ZNF438: variants seen among roughly 807,000 people sequenced by gnomAD.
ZNF438 encodes zinc finger protein 438.
Under a neutral mutation model 38.0 loss-of-function variants are expected in ZNF438, and 25 were observed. The ratio of observed to expected loss-of-function variants is 0.66; its 90% confidence interval spans 0.48 to 0.92. The LOEUF (loss-of-function observed/expected upper bound fraction) is 0.92. ZNF438 is among the 40% of genes least tolerant of loss of function. ZNF438 has a pLI of 0.00. For synonymous variants in ZNF438, 372 were observed against 364.1 expected (o/e 1.02, Z -0.25); for missense variants, 1,007 against 999.6 (o/e 1.01, Z -0.10).
chr10:30,958,990 T>A (rs987595059), intron 1 of ZNF438, among the ~76,000 whole-genome samples: 2 of 147,438 alleles, frequency 1.4e-5, no homozygotes, highest in African/African-American at 4.9e-5. Context: ...TTTCTTGTTT[T>A]TATTAATATC....
intron 3 of ZNF438, among the ~76,000 whole-genome samples, chr10:30,907,395 T>C (rs2042685936): frequency 6.6e-6 from 1 of 152,222 alleles, no homozygotes; most frequent in Non-Finnish European, 1.5e-5. Flanking sequence ...TCAGGAAGTA[T>C]TCTCTCCTCT....
chr10:31,023,298 C>G (rs1194781623), intron 1 of ZNF438, among the ~76,000 whole-genome samples: 2 of 152,106 alleles, frequency 1.3e-5, no homozygotes, highest in African/African-American at 2.4e-5. Context: ...CTAATTGTGG[C>G]AGGCACATAA....
chr10:30,895,920 C>A (rs2934632), intron 3 of ZNF438, among the ~76,000 whole-genome samples: 118,774 of 152,148 alleles, frequency 0.78, 47,127 homozygotes, highest in African/African-American at 0.89. Context: ...AATGGTGCAG[C>A]AACTATGGAA....
chr10:30,960,810 AAAAAT>A (rs2049378331), intron 1 of ZNF438, among the ~76,000 whole-genome samples: 1 of 147,056 alleles, frequency 6.8e-6, no homozygotes, highest in East Asian at 1.9e-4. Context: ...ATATAAATAT[AAAAAT>A]AAAATAGGCT....
chr10:30,884,331 T>C (rs549636010), intron 3 of ZNF438, among the ~76,000 whole-genome samples: 18 of 152,274 alleles, frequency 1.2e-4, no homozygotes, highest in Non-Finnish European at 2.1e-4. Context: ...ATAGTTACAA[T>C]ATTGCATCCT....
At chr10:30,868,361 G>A (rs564785525) in intron 4 of ZNF438, among the ~76,000 whole-genome samples, 4 of 152,248 alleles carry the variant, frequency 2.6e-5, no homozygotes, top group Admixed American at 2.6e-4. Context: ...GTGAACCACC[G>A]TGCCCGGCCT....
intron 1 of ZNF438, among the ~76,000 whole-genome samples, chr10:30,997,355 G>A (rs1439383840): frequency 2.0e-5 from 3 of 151,920 alleles, no homozygotes; most frequent in African/African-American, 7.3e-5. Flanking sequence ...TAAATGGGAG[G>A]GGAAAAAAAT....
intron 1 of ZNF438, among the ~76,000 whole-genome samples, chr10:31,003,046 G>A (rs2054808179): frequency 6.6e-6 from 1 of 152,108 alleles, no homozygotes; most frequent in Non-Finnish European, 1.5e-5. Context: ...TCAGTCCAGT[G>A]GTATACAGGT....
At chr10:30,986,633 AATTCAG>A (rs528558758) in intron 1 of ZNF438, among the ~76,000 whole-genome samples, 119 of 152,302 alleles carry the variant, frequency 7.8e-4, no homozygotes, top group Middle Eastern at 3.4e-3. Context: ...AAGTGTTTTG[AATTCAG>A]AGTTTTTAAA....
chr10:31,000,794 C>A (rs952070205), intron 1 of ZNF438, among the ~76,000 whole-genome samples: 3 of 151,350 alleles, frequency 2.0e-5, no homozygotes, highest in African/African-American at 7.3e-5. Context: ...AAAAACTTTT[C>A]TTGTGTTTCC....
intron 3 of ZNF438, among the ~76,000 whole-genome samples, chr10:30,894,063 T>C (rs1349041205): frequency 6.6e-6 from 1 of 152,156 alleles, no homozygotes. Context: ...ACTCAAAAAC[T>C]TGAATTTTCA....
At chr10:30,934,842 A>G (rs1214779031) in intron 2 of ZNF438, among the ~76,000 whole-genome samples, 6 of 152,194 alleles carry the variant, frequency 3.9e-5, no homozygotes, top group Non-Finnish European at 8.8e-5. Context: ...CAGGTACTTG[A>G]TATGTTGCCA....
At chr10:30,845,546 GTCT>G (rs1387035527) in exon 6 of ZNF438, 5 of 1,612,396 alleles carry the variant, frequency 3.1e-6, no homozygotes, top group Non-Finnish European at 3.4e-6. Context: ...TTAGAAGGAA[GTCT>G]TCTTCCAGGT....
chr10:31,030,684 T>A (rs951422513), intron 1 of ZNF438, among the ~76,000 whole-genome samples: 7 of 152,242 alleles, frequency 4.6e-5, no homozygotes. Context: ...ATCACACTCC[T>A]GAAATGAATT....
rs1039342088 is a variant in ZNF438 at position 30,965,708 on chromosome 10, C to T, written c.-191-24057G>A. Among the ~76,000 whole-genome samples the T allele has an allele frequency of 5.3e-5, 8 of 152,108 alleles. 1 individual carries two copies. The highest frequency in any genetic ancestry group is 2.1e-4 in the South Asian group (1 of 4,816). On this transcript the variant is annotated intron_variant, in intron 1 of 5. Coordinates refer to ENST00000413025, the Ensembl canonical transcript of ZNF438. ...ACTTATAAGTGGGAGTGAAACATTA[C>T]GTACACATGAACACAAAGATGGCAG...
At chr10:31,012,930 T>G (rs2055845424) in intron 1 of ZNF438, among the ~76,000 whole-genome samples, 2 of 152,194 alleles carry the variant, frequency 1.3e-5, no homozygotes, top group South Asian at 4.1e-4. Context: ...AATTCTCAAC[T>G]GTCTTACTGG....
At chr10:30,907,662 T>C (rs1471288411) in intron 3 of ZNF438, among the ~76,000 whole-genome samples, 2 of 152,160 alleles carry the variant, frequency 1.3e-5, no homozygotes, top group African/African-American at 2.4e-5. Flanking sequence ...AATTACCTTT[T>C]TTAAATTTCT....
chr10:31,030,409 ACT>A (rs1179189328), intron 1 of ZNF438, among the ~76,000 whole-genome samples: 1 of 152,136 alleles, frequency 6.6e-6, no homozygotes, highest in African/African-American at 2.4e-5. Flanking sequence ...GAGATTTCTG[ACT>A]CACATCTCAT....
chr10:30,909,635 CT>C (rs1001919452), intron 2 of ZNF438, among the ~76,000 whole-genome samples: 54 of 152,244 alleles, frequency 3.5e-4, no homozygotes, highest in African/African-American at 1.3e-3. Flanking sequence ...AAGCATTTTA[CT>C]TTTTAATACT....
Sources: allele counts gnomAD v4.1 joint callset (sites outside exome capture counted in the v4.1 genomes callset), GRCh38; gene constraint gnomAD v4.1.1; transcripts MANE v1.5; gene names NCBI Gene and HGNC (gene_info 2026-07-23, HGNC 2026-07-21).